The following EYS variants were observed in gnomAD, a reference collection of about 807,000 sequenced individuals.
The protein encoded by EYS is protein eyes shut homolog.
In EYS, 250 loss-of-function variants were observed where a neutral mutation model predicts 282.1. The ratio of observed to expected loss-of-function variants is 0.89; its 90% CI spans 0.80 to 0.98. The LOEUF (loss-of-function observed/expected upper bound fraction) is 0.98. Among genes scored for constraint, EYS ranks in the 50% least tolerant of loss-of-function variants. EYS has a pLI of 0.00. For synonymous variants in EYS, 1,355 were observed against 1,282.9 expected (o/e 1.06, Z -1.20); for missense variants, 4,016 against 3,709.0 (o/e 1.08, Z -2.15).
At chr6:65,216,225 T>G (rs1766309113) in intron 12 of EYS, among the ~76,000 whole-genome samples, 1 of 152,118 alleles carries the variant, frequency 6.6e-6, no homozygotes, top group Admixed American at 6.5e-5. Context: ...ATTTTATATA[T>G]GCATAGTAAT....
chr6:64,531,817 G>A (rs1764352498), intron 26 of EYS, among the ~76,000 whole-genome samples: 1 of 152,018 alleles, frequency 6.6e-6, no homozygotes, highest in Non-Finnish European at 1.5e-5. Context: ...ACAATATCAA[G>A]GCACCCTTGC....
At chr6:63,910,480 T>C (rs1013164254) in intron 35 of EYS, among the ~76,000 whole-genome samples, 3 of 152,220 alleles carry the variant, frequency 2.0e-5, no homozygotes, top group African/African-American at 7.2e-5. Context: ...TGGAATTGTG[T>C]ACTTTAACTC....
At position 63,934,664 on chromosome 6, in the gene EYS, C is replaced by T. The variant is rs182526964; in HGVS notation, c.7055+49719G>A. Among the ~76,000 whole-genome samples the T allele has an allele frequency of 2.0e-5, 3 of 150,052 alleles. No homozygotes were observed. The East Asian group carries it at 6.0e-4, about 30-fold the overall frequency. On this transcript the variant is annotated intron_variant, in intron 35 of 42. Transcript: ENST00000503581. ...TATCGCAAGGACAAAAAACCAAACA[C>T]TGCATGTTCTCGCTCATAGGTGGGA...
intron 40 of EYS, among the ~76,000 whole-genome samples, chr6:63,770,535 C>T (rs371608399): frequency 1.4e-4 from 22 of 152,198 alleles, no homozygotes; most frequent in Admixed American, 4.6e-4. Context: ...GGCGATCACA[C>T]GACCTAAAGG....
chr6:65,515,314 G>T (rs1229258869), intron 2 of EYS, among the ~76,000 whole-genome samples: 2 of 152,050 alleles, frequency 1.3e-5, no homozygotes, highest in Non-Finnish European at 2.9e-5. Flanking sequence ...AGGATGTGGA[G>T]AAATAGGAAC....
chr6:65,388,676 G>A (rs1194128938), intron 7 of EYS, among the ~76,000 whole-genome samples: 2 of 151,988 alleles, frequency 1.3e-5, no homozygotes, highest in Admixed American at 6.6e-5. Flanking sequence ...AGGAAAATAT[G>A]GCTCACCTTG....
chr6:63,789,104 A>T lies in EYS; in HGVS notation c.7532T>A (p.Val2511Asp). The T allele has an allele frequency of 1.3e-6, 2 of 1,551,522 alleles. No individual in the cohort carries two copies. Among genetic ancestry groups the T allele is most frequent in the Non-Finnish European group, 1.7e-6 (2 of 1,146,926 alleles). ...RSEPLNLSLG[V>D]HTVHLGKFFQ... is the part of the protein sequence containing the mutation. ...GAACTTGCCCAGATGAACAGTGTGGACTCCAAGGCTCAGATTGAGGGGCTC... is the reference window on the plus strand; with the variant it reads ...GAACTTGCCCAGATGAACAGTGTGGTCTCCAAGGCTCAGATTGAGGGGCTC... Residue 2511 changes from valine (V) to aspartate (D), a missense_variant, in exon 38 of 43, where the codon GTC becomes GAC. Coordinates refer to ENST00000503581, the MANE Select transcript of EYS (RefSeq NM_001142800.2).
chr6:64,447,630 C>CA (rs1245820088), intron 26 of EYS, among the ~76,000 whole-genome samples: 3 of 151,648 alleles, frequency 2.0e-5, no homozygotes, highest in Non-Finnish European at 4.4e-5. Context: ...CATAAAATGC[C>CA]AAAAAAAGTT....
intron 35 of EYS, among the ~76,000 whole-genome samples, chr6:63,870,108 G>A (rs12663613): frequency 1.3e-5 from 2 of 152,146 alleles, no homozygotes; most frequent in Non-Finnish European, 2.9e-5. Context: ...GGAGCTCTCA[G>A]GTAATTTCCT....
At chr6:65,472,872 T>G (rs1181055390) in intron 5 of EYS, among the ~76,000 whole-genome samples, 1 of 151,976 alleles carries the variant, frequency 6.6e-6, no homozygotes. Context: ...TTTTTTTTAA[T>G]AATATGCTCT....
At chr6:64,062,243 C>T (rs1771202224) in intron 33 of EYS, among the ~76,000 whole-genome samples, 1 of 152,264 alleles carries the variant, frequency 6.6e-6, no homozygotes, top group Admixed American at 6.5e-5. Flanking sequence ...GTGACATAAA[C>T]AACTGGACAG....
intron 13 of EYS, among the ~76,000 whole-genome samples, chr6:65,026,916 CAAA>C (rs1260312589): frequency 9.3e-6 from 1 of 107,828 alleles, no homozygotes. Flanking sequence ...GACTCCGTCT[CAAA>C]AAAAAAAAAA....
At chr6:64,379,627 A>C (rs763011098) in intron 29 of EYS, 6 of 152,142 alleles carry the variant, frequency 3.9e-5, no homozygotes, top group Non-Finnish European at 8.8e-5. Flanking sequence ...ATTAAGTGAA[A>C]ATTTAAGCAG....
At chr6:65,061,383 G>A (rs992667729) in intron 12 of EYS, among the ~76,000 whole-genome samples, 2 of 151,828 alleles carry the variant, frequency 1.3e-5, no homozygotes, top group Non-Finnish European at 2.9e-5. Context: ...TTTTAAAATA[G>A]ACTTTAATTT....
In EYS at chr6:63,984,311, C is replaced by T. The variant is rs920967442; in HGVS notation, c.7055+72G>A. 3.1e-5 allele frequency: 34 copies of T among 1,104,714 alleles called. No homozygotes were observed. In the Admixed American group the frequency reaches 7.1e-4, roughly 23 times the overall value. 68.4% of individuals were successfully genotyped at this position (1,104,714 alleles called of 1,614,324 possible). On this transcript the variant is annotated intron_variant, in intron 35 of 42. Coordinates refer to ENST00000503581, the MANE Select transcript of EYS (RefSeq NM_001142800.2). ...CATTTTCGTCTCTCAGAGGACAATA[C>T]TGCTGGCTTTTGTTGTTTTAAGAAT...
In EYS at chr6:63,726,630, A is replaced by G. The variant is rs976913872; in HGVS notation, c.8122T>C (p.Ser2708Pro). 6.4e-7 allele frequency: 1 copy of G among 1,551,366 alleles called. No homozygotes were observed. Among genetic ancestry groups the G allele is most frequent in the Non-Finnish European group, 8.7e-7 (1 of 1,146,740 alleles). ...TTTCGAACATGAAAGGAAGCAAAAG[A>G]CATCCAGGATAACTCATTGCTTCTG... is the stretch of plus-strand genomic sequence containing the variant. ...SFRSNELSWM[S>P]FASFHVRKKT... Residue 2708 changes from serine to proline, a missense_variant, in exon 42 of 43, where the codon TCT becomes CCT. By Grantham distance (74) the Ser-to-Pro change is moderately conservative. Coordinates refer to ENST00000503581, the MANE Select transcript of EYS (RefSeq NM_001142800.2).
intron 31 of EYS, among the ~76,000 whole-genome samples, chr6:64,151,363 A>ATTTATATATATATATATAT (rs1491135650): frequency 3.2e-5 from 2 of 62,848 alleles, no homozygotes; most frequent in Admixed American, 1.6e-4. Context: ...ATATATATAT[A>ATTTATATATATATATATAT]ATTTTTTTTT....
At chr6:64,416,989 T>C (rs1474816228) in intron 28 of EYS, among the ~76,000 whole-genome samples, 1 of 152,112 alleles carries the variant, frequency 6.6e-6, no homozygotes, top group Non-Finnish European at 1.5e-5. Context: ...CAAGTGATGG[T>C]GGTAGTAGAA....
In EYS at chr6:64,230,737, G is replaced by A. The variant is rs1433977403; in HGVS notation, c.6279C>T (p.Val2093=). The change falls in exon 31 of 43, where the codon GTC becomes GTT. Residue 2093 remains valine (V), a synonymous_variant. Coordinates refer to ENST00000503581, the MANE Select transcript of EYS (RefSeq NM_001142800.2). ...CAGAGGGTGCTGCAACAGAGGGGCT[G>A]ACAGAAGTCCACATGGTATCAACCC... ...TQGVDTMWTS[V]SPSVAAPSVC... 1.3e-6 allele frequency: 2 copies of A among 1,551,570 alleles called. No homozygotes were observed. The highest frequency in any genetic ancestry group is 2.0e-5 in the Admixed American group (1 of 50,990).
Sources: gnomAD v4.1 joint callset for allele counts (sites outside exome capture counted in the v4.1 genomes callset) on GRCh38, gnomAD v4.1.1 for gene constraint, MANE v1.5 for transcripts, NCBI Gene and HGNC (gene_info 2026-07-23, HGNC 2026-07-21) for gene names.